Variants in CNTN5 observed in about 807,000 individuals in gnomAD.
CNTN5 encodes the protein contactin 5, also known as contactin-5.
Under a neutral mutation model 129.1 loss-of-function variants are expected in CNTN5, and 77 were observed. That is an observed-to-expected ratio of 0.60 (90% CI 0.50 to 0.72). The LOEUF (loss-of-function observed/expected upper bound fraction) is 0.72, where lower values mean the gene tolerates loss of function less well. Among genes scored for constraint, CNTN5 ranks in the 30% least tolerant of loss-of-function variants. CNTN5 has a pLI of 0.00. For missense variants in CNTN5, 1,478 were observed against 1,328.8 expected, an observed-to-expected ratio of 1.11 and a Z score of -1.75; for synonymous variants, 509 against 465.6, an observed-to-expected ratio of 1.09 and a Z score of -1.20.
At position 99,727,506 on chromosome 11, in the gene CNTN5, C is replaced by T. The variant is rs1035548154; in HGVS notation, c.56-92038C>T. Among the ~76,000 whole-genome samples, 21 of 151,658 alleles carry T rather than the reference C, an allele frequency of 1.4e-4. No homozygotes were observed. The East Asian group carries it at 4.1e-3, about 29-fold the overall frequency. Reference sequence around the variant, plus strand: ...TAATTTTCATAGTTATTATATTATCCCATCCTTAATTGTTTCATAGTTGTA... The same window carrying T: ...TAATTTTCATAGTTATTATATTATCTCATCCTTAATTGTTTCATAGTTGTA... On this transcript the variant is annotated intron_variant, in intron 3 of 24. Coordinates refer to ENST00000524871, the MANE Select transcript of CNTN5 (RefSeq NM_014361.4).
chr11:100,227,666 T>C (rs753754897), intron 16 of CNTN5, among the ~76,000 whole-genome samples: 1 of 152,128 alleles, frequency 6.6e-6, no homozygotes, highest in Non-Finnish European at 1.5e-5. Context: ...AGAACCATAA[T>C]AGAATGAATA....
intron 2 of CNTN5, among the ~76,000 whole-genome samples, chr11:99,475,785 T>C (rs1296764146): frequency 6.6e-6 from 1 of 150,834 alleles, no homozygotes; most frequent in African/African-American, 2.4e-5. Flanking sequence ...TGTCTAATGC[T>C]TTTTTTTTCG....
chr11:100,142,136 G>A (rs1419309999), intron 13 of CNTN5, among the ~76,000 whole-genome samples: 1 of 152,074 alleles, frequency 6.6e-6, no homozygotes, highest in Non-Finnish European at 1.5e-5. Flanking sequence ...CCCCTCAGAC[G>A]GAGAATTACA....
chr11:99,861,969 A>G (rs1464821632), intron 6 of CNTN5, among the ~76,000 whole-genome samples: 1 of 152,198 alleles, frequency 6.6e-6, no homozygotes, highest in Non-Finnish European at 1.5e-5. Context: ...CTTTAACTGT[A>G]ATTCAAACTT....
intron 9 of CNTN5, among the ~76,000 whole-genome samples, chr11:100,044,704 A>G (rs1485310661): frequency 2.0e-5 from 3 of 151,840 alleles, no homozygotes; most frequent in Non-Finnish European, 4.4e-5. Context: ...GACTTACTTA[A>G]GTTCATTGTA....
At chr11:99,121,648 TA>T (rs915973263) in intron 1 of CNTN5, among the ~76,000 whole-genome samples, 29 of 152,300 alleles carry the variant, frequency 1.9e-4, no homozygotes, top group Admixed American at 7.2e-4. Context: ...TTTTTAAAGG[TA>T]AAATATGTTC....
At chr11:99,793,663 T>C (rs1945834005) in intron 3 of CNTN5, among the ~76,000 whole-genome samples, 3 of 152,222 alleles carry the variant, frequency 2.0e-5, no homozygotes, top group Admixed American at 2.0e-4. Context: ...GATTTCTGTC[T>C]TAATTTCATC....
intron 3 of CNTN5, among the ~76,000 whole-genome samples, chr11:99,806,613 C>T (rs1172396120): frequency 6.6e-6 from 1 of 151,916 alleles, no homozygotes; most frequent in Non-Finnish European, 1.5e-5. Flanking sequence ...TCAAGACCAG[C>T]TTGGCCAACA....
chr11:99,535,510 A>G (rs1392934687), intron 2 of CNTN5, among the ~76,000 whole-genome samples: 1 of 152,154 alleles, frequency 6.6e-6, no homozygotes, highest in Admixed American at 6.5e-5. Flanking sequence ...CTTGGATCCC[A>G]TTAGAATCAC....
intron 1 of CNTN5, among the ~76,000 whole-genome samples, chr11:99,161,623 C>G (rs950717580): frequency 2.0e-5 from 3 of 152,114 alleles, no homozygotes; most frequent in Admixed American, 2.0e-4. Flanking sequence ...ATCATAGCAG[C>G]CTTGGACTGC....
At chr11:99,217,910 C>T (rs1860209214) in intron 1 of CNTN5, among the ~76,000 whole-genome samples, 1 of 152,130 alleles carries the variant, frequency 6.6e-6, no homozygotes. Flanking sequence ...TTTACTGAAT[C>T]ATTCTCTTTA....
At chr11:99,442,616 C>T (rs1276638105) in intron 2 of CNTN5, among the ~76,000 whole-genome samples, 2 of 152,148 alleles carry the variant, frequency 1.3e-5, no homozygotes, top group Non-Finnish European at 2.9e-5. Context: ...TCTATGTATG[C>T]TTGTGAATAC....
intron 1 of CNTN5, among the ~76,000 whole-genome samples, chr11:99,280,585 C>G (rs1260102641): frequency 6.6e-6 from 1 of 151,708 alleles, no homozygotes; most frequent in Middle Eastern, 3.4e-3. Context: ...AATGAACAAA[C>G]CAAAATCTCC....
At chr11:99,653,415 T>C (rs1591428260) in intron 3 of CNTN5, among the ~76,000 whole-genome samples, 1 of 151,994 alleles carries the variant, frequency 6.6e-6, no homozygotes, top group East Asian at 1.9e-4. Flanking sequence ...AGTCAACTAA[T>C]AAAAATTTTA....
At chr11:99,107,015 A>T (rs1867028004) in intron 1 of CNTN5, among the ~76,000 whole-genome samples, 1 of 152,168 alleles carries the variant, frequency 6.6e-6, no homozygotes, top group South Asian at 2.1e-4. Flanking sequence ...CTGAAGAACA[A>T]AAATGTCACC....
chr11:99,501,587 G>A (rs1383723173), intron 2 of CNTN5, among the ~76,000 whole-genome samples: 3 of 152,162 alleles, frequency 2.0e-5, no homozygotes, highest in Non-Finnish European at 4.4e-5. Flanking sequence ...TAGCAAGTGA[G>A]CCCATTCTTA....
intron 13 of CNTN5, among the ~76,000 whole-genome samples, chr11:100,183,876 C>G (rs536118971): frequency 1.8e-4 from 28 of 152,200 alleles, no homozygotes; most frequent in African/African-American, 6.5e-4. Flanking sequence ...ACAGGGTCTC[C>G]CCCTCGCCTA....
At chr11:99,790,752 G>A (rs1201584059) in intron 3 of CNTN5, among the ~76,000 whole-genome samples, 1 of 152,008 alleles carries the variant, frequency 6.6e-6, no homozygotes, top group Admixed American at 6.6e-5. Flanking sequence ...TGTCAAACAA[G>A]TTTTCACAAT....
At chr11:99,090,627 G>T (rs368819043) in intron 1 of CNTN5, among the ~76,000 whole-genome samples, 1 of 127,658 alleles carries the variant, frequency 7.8e-6, no homozygotes, top group East Asian at 2.3e-4. Flanking sequence ...TAAGGGAAAA[G>T]AAAAAGTTAT....
Sources: gnomAD v4.1 joint callset for allele counts (sites outside exome capture counted in the v4.1 genomes callset) on GRCh38, gnomAD v4.1.1 for gene constraint, MANE v1.5 for transcripts, NCBI Gene and HGNC (gene_info 2026-07-23, HGNC 2026-07-21) for gene names.